The following LPO variants were observed in gnomAD, a reference collection of about 807,000 sequenced individuals.
LPO encodes lactoperoxidase.
LPO carries 70 observed loss-of-function variants against 68.4 expected under a neutral mutation model. The ratio of observed to expected loss-of-function variants is 1.02; its 90% CI spans 0.84 to 1.25. LPO has a LOEUF of 1.25. Among genes scored for constraint, LPO ranks in the 50% most tolerant of loss-of-function variants. The pLI, the probability that LPO is intolerant of heterozygous loss-of-function variation, is 0.00. For missense variants in LPO, 873 were observed against 908.4 expected (o/e 0.96, Z 0.50); for synonymous variants, 360 against 357.6 (o/e 1.01, Z -0.08).
At chr17:58,254,120 T>C (rs904700145) in intron 8 of LPO, among the ~76,000 whole-genome samples, 2 of 145,944 alleles carry the variant, frequency 1.4e-5, no homozygotes, top group Non-Finnish European at 3.0e-5. Context: ...GATAGATAGA[T>C]AGATGATGAT....
chr17:58,249,303 A>T, intron 5 of LPO, 126 bp downstream of exon 5: 1 of 897,300 alleles, frequency 1.1e-6, no homozygotes. Context: ...TGGCGTTCCC[A>T]CCTTCCCCAC....
At chr17:58,263,973 T>A (rs536986568) in intron 9 of LPO, among the ~76,000 whole-genome samples, 1 of 152,248 alleles carries the variant, frequency 6.6e-6, no homozygotes, top group South Asian at 2.1e-4. Context: ...CTGAGCAACC[T>A]TCTAGGGGAA....
chr17:58,250,447 T>A lies in LPO; in HGVS notation c.606T>A (p.Tyr202Ter), dbSNP rs761692875. The A allele has an allele frequency of 6.2e-7, 1 of 1,614,192 alleles. No individual in the cohort carries two copies. Among genetic ancestry groups the A allele is most frequent in the South Asian group, 1.1e-5 (1 of 91,078 alleles). Residue 202 changes from tyrosine (Y) to a stop codon, truncating the protein, a stop_gained, in exon 7 of 13, where the codon TAT becomes TAA. Coordinates refer to ENST00000262290, the MANE Select transcript of LPO (RefSeq NM_006151.3). LOFTEE classifies it high-confidence loss of function. ...AGGTATCTAACAAGATTGTTGGCTA[T>A]CTGAATGAGGAGGGTGTTCTGGACC... is the stretch of plus-strand genomic sequence containing the variant. The part of the protein sequence containing the change: ...AREVSNKIVG[Y>*]LNEEGVLDQN...
At chr17:58,250,678 G>T in intron 7 of LPO, 57 bp downstream of exon 7, 2 of 1,547,218 alleles carry the variant, frequency 1.3e-6, no homozygotes, top group Non-Finnish European at 1.8e-6. Flanking sequence ...TGATGTAGCA[G>T]ACATTCCCAG....
intron 3 of LPO, among the ~76,000 whole-genome samples, chr17:58,246,489 A>G (rs8178310): frequency 0.028 from 4,253 of 152,100 alleles, 202 homozygotes; most frequent in African/African-American, 0.097. Context: ...GACCCTGCCT[A>G]CCCCCAACAG....
Position 58,266,329 on chromosome 17 carries a change from G to A in LPO, c.1693+3G>A. 1 of 1,613,860 alleles carries A rather than the reference G, an allele frequency of 6.2e-7. No individual in the cohort carries two copies. Among genetic ancestry groups the A allele is most frequent in the Non-Finnish European group, 8.5e-7 (1 of 1,179,996 alleles). On this transcript the variant is annotated splice_donor_region_variant and intron_variant, in intron 11 of 12. Transcript: ENST00000262290. ...TTGCCGGGACCATGGGCAACCTGGT[G>A]AGTGTCTGAAGTCTGGCCTGCACTG... is the stretch of plus-strand genomic sequence containing the variant.
chr17:58,249,152 A>C lies in LPO; in HGVS notation c.418A>C (p.Thr140Pro). ...VRCDPCSPYRTITGDCNNRRK... is the reference protein window; with the variant it reads ...VRCDPCSPYRPITGDCNNRRK... ...ATGCGACCCGTGCAGCCCTTACCGC[A>C]CCATTACGGGAGACTGCAATAACAG... The change falls in exon 5 of 13, where the codon ACC becomes CCC. Residue 140 changes from threonine to proline, a missense_variant. Coordinates refer to ENST00000262290, the MANE Select transcript of LPO (RefSeq NM_006151.3). The C allele has an allele frequency of 6.2e-7, 1 of 1,614,094 alleles. No homozygotes were observed. The highest frequency in any genetic ancestry group is 8.5e-7 in the Non-Finnish European group (1 of 1,179,994).
intron 1 of LPO, among the ~76,000 whole-genome samples, chr17:58,241,253 G>A (rs8178285): frequency 0.023 from 3,455 of 150,126 alleles, 133 homozygotes; most frequent in African/African-American, 0.08. Context: ...TGGAATTGCC[G>A]GTGTCTGCCA....
rs1969933834 is a variant in LPO, at chr17:58,250,287, C to T, written c.574-128C>T. The T allele has an allele frequency of 7.9e-6, 6 of 756,684 alleles. No homozygotes were observed. The South Asian group carries it at 9.6e-5, about 12-fold the overall frequency. 46.9% of individuals were successfully genotyped at this position (756,684 alleles called of 1,614,324 possible). On this transcript the variant is annotated intron_variant, in intron 6 of 12. Transcript: ENST00000262290. ...TACAGAATAGGCTAATGCCACCCACCTCACAAACTCCTTGTAGGGATTAAG... is the reference window on the plus strand; with the variant it reads ...TACAGAATAGGCTAATGCCACCCACTTCACAAACTCCTTGTAGGGATTAAG...
intron 8 of LPO, among the ~76,000 whole-genome samples, chr17:58,254,214 C>T (rs1165017066): frequency 6.7e-6 from 1 of 149,598 alleles, no homozygotes. Flanking sequence ...GATTAGAGGG[C>T]ACAGGGAGAA....
At position 58,267,412 on chromosome 17, in the gene LPO, C is replaced by T. The variant is rs1203048770; in HGVS notation, c.1757C>T (p.Thr586Ile). ...CCGCAGACACTAGAGGAGTTGAACA[C>T]AGTGCTGAAGAGCAAGATGCTGGCC... Reference protein sequence around the residue: ...SQPQTLEELNTVLKSKMLAKK... With the variant: ...SQPQTLEELNIVLKSKMLAKK... The change falls in exon 12 of 13, where the codon ACA (threonine) becomes ATA (isoleucine). Residue 586 changes from threonine (T) to isoleucine (I), a missense_variant. Transcript: ENST00000262290. 1 of 1,614,244 alleles carries T rather than the reference C, an allele frequency of 6.2e-7. No individual in the cohort carries two copies. The highest frequency in any genetic ancestry group is 1.1e-5 in the South Asian group (1 of 91,090).
At chr17:58,254,680 G>A in intron 8 of LPO, 131 bp from the exon 9 acceptor site, 1 of 792,588 alleles carries the variant, frequency 1.3e-6, no homozygotes, top group Non-Finnish European at 1.9e-6. Flanking sequence ...TCACCTGACG[G>A]GAAGTAGGGC....
chr17:58,245,339 A>C (rs1247800670), intron 3 of LPO, among the ~76,000 whole-genome samples: 2 of 151,998 alleles, frequency 1.3e-5, no homozygotes, highest in African/African-American at 4.8e-5. Context: ...TCCCCTGAAC[A>C]GTTCAGTCCT....
At chr17:58,243,951 G>A (rs781532321) in intron 2 of LPO, 43 bp from the exon 3 acceptor site, 7 of 1,272,638 alleles carry the variant, frequency 5.5e-6, no homozygotes, top group African/African-American at 1.5e-5. Flanking sequence ...GCAAAGGAGT[G>A]GTGTCTGACA....
At chr17:58,248,330 GA>G (rs1414401381) in intron 4 of LPO, among the ~76,000 whole-genome samples, 1 of 152,240 alleles carries the variant, frequency 6.6e-6, no homozygotes, top group African/African-American at 2.4e-5. Flanking sequence ...GACAAGGTAA[GA>G]AGTAGGAAGC....
intron 8 of LPO, among the ~76,000 whole-genome samples, chr17:58,254,383 G>T (rs1366650990): frequency 6.6e-6 from 1 of 151,906 alleles, no homozygotes; most frequent in Non-Finnish European, 1.5e-5. Flanking sequence ...CCTCAAACCC[G>T]CATTCCTAAA....
intron 9 of LPO, among the ~76,000 whole-genome samples, chr17:58,261,575 C>T (rs1483011350): frequency 2.0e-5 from 3 of 151,628 alleles, no homozygotes; most frequent in Admixed American, 2.0e-4. Flanking sequence ...TATACTCTGC[C>T]AATCTCTGAC....
At chr17:58,247,119 C>G (rs1969864362) in intron 3 of LPO, among the ~76,000 whole-genome samples, 1 of 152,068 alleles carries the variant, frequency 6.6e-6, no homozygotes, top group African/African-American at 2.4e-5. Context: ...CTGGTGGAAC[C>G]CAGATCCACC....
At chr17:58,250,935 G>A (rs1311719708) in intron 7 of LPO, 1 of 359,938 alleles carries the variant, frequency 2.8e-6, no homozygotes, top group Non-Finnish European at 5.2e-6. Context: ...ACTGGAGAAG[G>A]TTGTCTACAT....
Sources: allele counts gnomAD v4.1 joint callset (sites outside exome capture counted in the v4.1 genomes callset), GRCh38; gene constraint gnomAD v4.1.1; transcripts MANE v1.5; gene names NCBI Gene and HGNC (gene_info 2026-07-23, HGNC 2026-07-21).